The following CSMD3 variants were observed in gnomAD, a reference collection of about 807,000 sequenced individuals.
The protein encoded by CSMD3 is CUB and sushi domain-containing protein 3.
In CSMD3, 177 loss-of-function variants were observed where a neutral mutation model predicts 435.2. The ratio of observed to expected loss-of-function variants is 0.41; its 90% confidence interval spans 0.36 to 0.46. The LOEUF (loss-of-function observed/expected upper bound fraction) is 0.46. CSMD3 is among the 20% of genes least tolerant of loss of function. CSMD3 has a pLI of 0.34. For synonymous variants in CSMD3, 1,656 were observed against 1,520.5 expected, an observed-to-expected ratio of 1.09 and a Z score of -2.07; for missense variants, 4,265 against 4,504.6, an observed-to-expected ratio of 0.95 and a Z score of 1.52.
chr8:113,188,214 C>A (rs1267292020), intron 3 of CSMD3, among the ~76,000 whole-genome samples: 1 of 151,818 alleles, frequency 6.6e-6, no homozygotes, highest in South Asian at 2.1e-4. Context: ...CTACATGTTT[C>A]TTTAATTTGT....
chr8:112,334,810 G>C (rs768686205), intron 45 of CSMD3, among the ~76,000 whole-genome samples: 8 of 152,132 alleles, frequency 5.3e-5, no homozygotes, highest in Non-Finnish European at 1.2e-4. Context: ...TTATTCCACA[G>C]CAGTAAAAGC....
chr8:112,450,138 T>C (rs576240038), intron 32 of CSMD3, among the ~76,000 whole-genome samples: 2 of 152,326 alleles, frequency 1.3e-5, no homozygotes, highest in South Asian at 2.1e-4. Flanking sequence ...TCAATAAGTC[T>C]ATAAGATTAT....
chr8:112,642,611 T>C (rs929642960), intron 20 of CSMD3, among the ~76,000 whole-genome samples: 1 of 152,142 alleles, frequency 6.6e-6, no homozygotes, highest in Non-Finnish European at 1.5e-5. Flanking sequence ...GACTACACAA[T>C]GTAAATGTAA....
At chr8:112,963,025 T>G (rs1216201596) in intron 7 of CSMD3, among the ~76,000 whole-genome samples, 1 of 151,970 alleles carries the variant, frequency 6.6e-6, no homozygotes, top group Non-Finnish European at 1.5e-5. Flanking sequence ...AGCAGTAGAC[T>G]CTATCAACAG....
chr8:113,154,701 T>C (rs1465635741), intron 4 of CSMD3, among the ~76,000 whole-genome samples: 2 of 152,016 alleles, frequency 1.3e-5, no homozygotes, highest in Non-Finnish European at 2.9e-5. Flanking sequence ...AAGAATGGAA[T>C]GCTGAAACAA....
chr8:112,394,122 T>C (rs890184186), intron 35 of CSMD3, among the ~76,000 whole-genome samples: 1 of 152,146 alleles, frequency 6.6e-6, no homozygotes, highest in African/African-American at 2.4e-5. Context: ...ATCTTAGGGA[T>C]TGTCACCACC....
intron 5 of CSMD3, among the ~76,000 whole-genome samples, chr8:113,030,417 TAAAAAAAAAAAAAA>T (rs35890606): frequency 8.2e-5 from 2 of 24,352 alleles, no homozygotes; most frequent in Non-Finnish European, 1.4e-4. Flanking sequence ...TTGGTACTGG[TAAAAAAAAAAAAAA>T]AAAAAAAAAA....
At chr8:112,875,153 AT>A (rs2081246080) in intron 10 of CSMD3, among the ~76,000 whole-genome samples, 1 of 152,064 alleles carries the variant, frequency 6.6e-6, no homozygotes, top group Non-Finnish European at 1.5e-5. Context: ...TCTATAAATG[AT>A]TTTATTTCTC....
chr8:112,243,630 A>T (rs1814390256), intron 65 of CSMD3, among the ~76,000 whole-genome samples: 1 of 152,016 alleles, frequency 6.6e-6, no homozygotes. Context: ...AAACTTTGGG[A>T]AGGACTCTTT....
At chr8:112,974,694 C>A (rs2084781526) in intron 7 of CSMD3, among the ~76,000 whole-genome samples, 1 of 151,488 alleles carries the variant, frequency 6.6e-6, no homozygotes, top group Non-Finnish European at 1.5e-5. Flanking sequence ...TTAGAATGTG[C>A]CTCATTAAAG....
In CSMD3 at chr8:113,003,527, A is replaced by G. The variant is rs538871919; in HGVS notation, c.1030+15540T>C. ...TATCTGGGAATGCAAATAAGCTATT[A>G]GAATAATAGTAATAATATCTTAGTA... On this transcript the variant is annotated intron_variant, in intron 6 of 70. Transcript: ENST00000297405. Among the ~76,000 whole-genome samples the G allele has an allele frequency of 1.9e-4, 29 of 152,206 alleles. No homozygotes were observed. The South Asian group carries it at 5.2e-3, about 27-fold the overall frequency.
intron 4 of CSMD3, among the ~76,000 whole-genome samples, chr8:113,099,394 C>A (rs1220113197): frequency 2.0e-5 from 3 of 151,794 alleles, no homozygotes; most frequent in South Asian, 2.1e-4. Context: ...ATGTACAACA[C>A]AAAGACATAA....
At chr8:113,434,095 C>G (rs889686208) in intron 1 of CSMD3, among the ~76,000 whole-genome samples, 2 of 152,188 alleles carry the variant, frequency 1.3e-5, no homozygotes, top group African/African-American at 4.8e-5. Context: ...TCTTACACTC[C>G]GAGGCGTTTC....
intron 4 of CSMD3, among the ~76,000 whole-genome samples, chr8:113,147,013 C>T (rs182794014): frequency 2.0e-5 from 3 of 151,746 alleles, no homozygotes; most frequent in East Asian, 3.9e-4. Context: ...CTGTGTACTA[C>T]TAGAATGTTT....
rs747030706 is a variant in CSMD3 at position 112,552,549 on chromosome 8, C to T, written c.4361+45G>A. 5.7e-6 allele frequency: 9 copies of T among 1,585,254 alleles called. No individual in the cohort carries two copies. The East Asian group carries it at 9.1e-5, about 16-fold the overall frequency. On this transcript the variant is annotated intron_variant, in intron 26 of 70. Transcript: ENST00000297405. Reference sequence around the variant, plus strand: ...TAATTTTATATAGGGGTTGGTTAGGCACTTCAGATTCCCTAGTAATGTTGA... The same window carrying T: ...TAATTTTATATAGGGGTTGGTTAGGTACTTCAGATTCCCTAGTAATGTTGA...
chr8:112,871,391 C>T (rs1211846893), intron 10 of CSMD3, among the ~76,000 whole-genome samples: 2 of 151,636 alleles, frequency 1.3e-5, no homozygotes, highest in African/African-American at 2.4e-5. Context: ...AAGAAAATAC[C>T]CAACAATTGA....
At chr8:113,173,488 A>G (rs962062477) in intron 4 of CSMD3, among the ~76,000 whole-genome samples, 3 of 151,778 alleles carry the variant, frequency 2.0e-5, no homozygotes, top group Non-Finnish European at 4.4e-5. Flanking sequence ...CACATGGCCA[A>G]TTTTTGTATT....
intron 13 of CSMD3, among the ~76,000 whole-genome samples, chr8:112,758,130 G>C (rs1277136275): frequency 6.6e-6 from 1 of 151,900 alleles, no homozygotes; most frequent in African/African-American, 2.4e-5. Context: ...CGAGGCGGGT[G>C]GATCACAATG....
At chr8:113,077,819 G>A (rs2089407744) in intron 5 of CSMD3, among the ~76,000 whole-genome samples, 1 of 152,108 alleles carries the variant, frequency 6.6e-6, no homozygotes, top group African/African-American at 2.4e-5. Flanking sequence ...TTAAGGAAGA[G>A]GATTATTTCT....
Sources: allele counts gnomAD v4.1 joint callset (sites outside exome capture counted in the v4.1 genomes callset), GRCh38; gene constraint gnomAD v4.1.1; transcripts MANE v1.5; gene names NCBI Gene and HGNC (gene_info 2026-07-23, HGNC 2026-07-21).